The following ASAP1 variants were observed in gnomAD, a reference collection of about 807,000 sequenced individuals.
ASAP1 encodes the protein arf-GAP with SH3 domain, ANK repeat and PH domain-containing protein 1.
ASAP1 carries 43 observed loss-of-function variants against 145.2 expected under a neutral mutation model. The ratio of observed to expected loss-of-function variants is 0.30; its 90% CI spans 0.23 to 0.38. ASAP1 has a LOEUF of 0.38. Ranked by LOEUF, ASAP1 falls within the 10% of genes least tolerant of loss-of-function variation. ASAP1 has a pLI of 1.00. For synonymous variants in ASAP1, 546 were observed against 515.5 expected (o/e 1.06, Z -0.80); for missense variants, 1,018 against 1,355.3 (o/e 0.75, Z 3.91).
intron 25 of ASAP1, among the ~76,000 whole-genome samples, chr8:130,088,140 T>G (rs2097497735): frequency 6.6e-6 from 1 of 151,602 alleles, no homozygotes; most frequent in African/African-American, 2.4e-5. Flanking sequence ...AAGGAGATTA[T>G]TTTTTTTGAG....
intron 2 of ASAP1, among the ~76,000 whole-genome samples, chr8:130,393,967 C>G (rs1487420656): frequency 6.6e-6 from 1 of 152,186 alleles, no homozygotes; most frequent in African/African-American, 2.4e-5. Context: ...ATTTCCTATG[C>G]CTGTCTTTAC....
At chr8:130,441,887 C>T (rs1830499397) in intron 1 of ASAP1, among the ~76,000 whole-genome samples, 1 of 152,166 alleles carries the variant, frequency 6.6e-6, no homozygotes, top group African/African-American at 2.4e-5. Context: ...AACAGGAGGG[C>T]TGAAAATCAA....
chr8:130,351,683 G>T (rs1225007334), intron 3 of ASAP1, among the ~76,000 whole-genome samples: 1 of 152,124 alleles, frequency 6.6e-6, no homozygotes, highest in Non-Finnish European at 1.5e-5. Context: ...TAAAACACTG[G>T]ATCTCAAGAG....
intron 2 of ASAP1, among the ~76,000 whole-genome samples, chr8:130,363,900 G>C (rs1381048040): frequency 1.3e-5 from 2 of 152,170 alleles, no homozygotes; most frequent in Non-Finnish European, 2.9e-5. Flanking sequence ...AAGTGGTGGA[G>C]GAAAGGAAAG....
chr8:130,079,596 C>G (rs1488324213), intron 26 of ASAP1, among the ~76,000 whole-genome samples: 6 of 152,060 alleles, frequency 3.9e-5, no homozygotes, highest in African/African-American at 1.4e-4. Flanking sequence ...AAAACTCATT[C>G]TGACAGGAAT....
intron 3 of ASAP1, among the ~76,000 whole-genome samples, chr8:130,332,416 T>C (rs990247540): frequency 6.6e-6 from 1 of 152,222 alleles, no homozygotes; most frequent in African/African-American, 2.4e-5. Context: ...ATTTTTATGA[T>C]CATTTCTGTG....
chr8:130,078,604 G>A (rs1259872004), intron 26 of ASAP1, among the ~76,000 whole-genome samples: 1 of 152,088 alleles, frequency 6.6e-6, no homozygotes, highest in East Asian at 1.9e-4. Flanking sequence ...TTTTATGAGT[G>A]CTTTTGGAGT....
intron 2 of ASAP1, among the ~76,000 whole-genome samples, chr8:130,389,171 G>A (rs934210940): frequency 1.3e-5 from 2 of 152,188 alleles, no homozygotes; most frequent in African/African-American, 4.8e-5. Flanking sequence ...AGTGCCAAGT[G>A]CTGGGTTTTA....
chr8:130,114,839 A>G (rs2097552389), intron 23 of ASAP1, among the ~76,000 whole-genome samples: 1 of 150,578 alleles, frequency 6.6e-6, no homozygotes. Flanking sequence ...CAGTAGTACA[A>G]TCATAGCTCA....
At chr8:130,085,614 G>A (rs1276157703) in intron 25 of ASAP1, among the ~76,000 whole-genome samples, 2 of 151,794 alleles carry the variant, frequency 1.3e-5, no homozygotes, top group African/African-American at 2.4e-5. Context: ...CGCACCCAGA[G>A]TCCCAAGTTA....
intron 3 of ASAP1, among the ~76,000 whole-genome samples, chr8:130,333,805 G>T (rs938275466): frequency 1.1e-4 from 16 of 152,266 alleles, no homozygotes; most frequent in African/African-American, 3.4e-4. Flanking sequence ...ATTTCTGGAG[G>T]GCCTATTATG....
At chr8:130,253,431 A>G (rs1586689301) in intron 3 of ASAP1, among the ~76,000 whole-genome samples, 1 of 152,198 alleles carries the variant, frequency 6.6e-6, no homozygotes, top group Admixed American at 6.5e-5. Context: ...TTTTTTCCCC[A>G]AAGTTCCCAA....
intron 13 of ASAP1, among the ~76,000 whole-genome samples, chr8:130,141,860 G>T (rs1218238741): frequency 1.3e-5 from 2 of 152,170 alleles, no homozygotes; most frequent in Admixed American, 6.5e-5. Flanking sequence ...TGGGACTACA[G>T]GCATGCCTCA....
At chr8:130,385,153 C>T (rs552421994) in intron 2 of ASAP1, among the ~76,000 whole-genome samples, 14 of 152,218 alleles carry the variant, frequency 9.2e-5, no homozygotes, top group South Asian at 6.2e-4. Flanking sequence ...AGCTGGTGGT[C>T]GCTTGAGGTT....
At chr8:130,276,746 T>TCTCTCTCTCTCTCA (rs1820928752) in intron 3 of ASAP1, among the ~76,000 whole-genome samples, 1 of 150,638 alleles carries the variant, frequency 6.6e-6, no homozygotes, top group Non-Finnish European at 1.5e-5. Flanking sequence ...TCTCTCTCTC[T>TCTCTCTCTCTCTCA]CTCTCTCTCT....
At chr8:130,141,858 C>T (rs374356189) in intron 13 of ASAP1, among the ~76,000 whole-genome samples, 2 of 151,996 alleles carry the variant, frequency 1.3e-5, no homozygotes, top group African/African-American at 4.8e-5. Context: ...GCTGGGACTA[C>T]AGGCATGCCT....
intron 13 of ASAP1, 49 bp from the exon 14 acceptor site, chr8:130,137,087 G>T: frequency 6.7e-7 from 1 of 1,494,932 alleles, no homozygotes; most frequent in Non-Finnish European, 9.3e-7. Flanking sequence ...CCACTCTCTT[G>T]TCTGCAGGTT....
In ASAP1 at chr8:130,116,723, G is replaced by A. The variant is rs773429544; in HGVS notation, c.2019C>T (p.Ala673=). The A allele has an allele frequency of 8.1e-6, 13 of 1,613,870 alleles. No individual in the cohort carries two copies. The highest frequency in any genetic ancestry group is 1.3e-5 in the African/African-American group (1 of 74,886). The stretch of plus-strand genomic sequence containing the variant: ...CTTTTAGTCTCTTTGCTATGTCTAG[G>A]GCAGTTTCTCCAGCCTGGTTAACTG... ...VDIVNQAGET[A]LDIAKRLKAT... Residue 673 remains alanine (A), a synonymous_variant, in exon 22 of 30, where the codon GCC becomes GCT. Coordinates refer to ENST00000518721, the MANE Select transcript of ASAP1 (RefSeq NM_018482.4).
Position 130,060,682 on chromosome 8 carries a change from A to C in ASAP1, c.3089T>G (p.Val1030Gly), listed in dbSNP as rs1051729256. The change falls in exon 28 of 30, where the codon GTG becomes GGG. Residue 1030 changes from valine to glycine, a missense_variant. By Grantham distance (109) the Val-to-Gly change is moderately radical. This residue lies in a region of ASAP1 where 139 missense variants were observed against 131.0 expected (regional missense o/e 1.06). Coordinates refer to ENST00000518721, the MANE Select transcript of ASAP1 (RefSeq NM_018482.4). The part of the protein sequence containing the change: ...KSHPLDLSPN[V>G]QSRDAIQKQA... Reference sequence around the variant, plus strand: ...CTTTTGGATGGCGTCTCTGGACTGCACATTTGGGGATAGATCCAATGGGTG... The same window carrying C: ...CTTTTGGATGGCGTCTCTGGACTGCCCATTTGGGGATAGATCCAATGGGTG... 6.2e-7 allele frequency: 1 copy of C among 1,614,030 alleles called. No homozygotes were observed. The highest frequency in any genetic ancestry group is 1.7e-5 in the Admixed American group (1 of 59,984).
Sources: allele counts gnomAD v4.1 joint callset (sites outside exome capture counted in the v4.1 genomes callset), GRCh38; gene constraint gnomAD v4.1.1; regional missense constraint gnomAD v4.1.1; transcripts MANE v1.5; gene names NCBI Gene and HGNC (gene_info 2026-07-23, HGNC 2026-07-21).